MIPEP: variants seen among roughly 807,000 people sequenced by gnomAD.
The protein encoded by MIPEP is mitochondrial intermediate peptidase.
A neutral mutation model predicts 90.3 loss-of-function variants in MIPEP; 79 were observed. The ratio of observed to expected loss-of-function variants is 0.87; its 90% CI spans 0.73 to 1.05. The LOEUF is 1.05. MIPEP is among the 50% of genes least tolerant of loss of function. The probability of loss-of-function intolerance (pLI) is 0.00; values close to 1 mark genes in which losing one functional copy is unlikely to be tolerated. For synonymous variants in MIPEP, 334 were observed against 315.8 expected (o/e 1.06, Z -0.61); for missense variants, 940 against 905.6 (o/e 1.04, Z -0.49).
At chr13:23,805,877 A>G in intron 16 of MIPEP, 73 bp downstream of exon 16, 6 of 1,507,872 alleles carry the variant, frequency 4.0e-6, no homozygotes, top group South Asian at 1.2e-5. Flanking sequence ...CCAAAGGGGA[A>G]GATAATCACA....
rs1386550062 is a variant in MIPEP at position 23,836,335 on chromosome 13, TAGGGCA to T, written c.1552_1557del (p.Cys518_Pro519del). ...ATAGAAGGAACCTCAGCAAAATCAG[TAGGGCA>T]CCTGGTCCCTAAAACAAGAAAAAAA... On this transcript the variant is annotated inframe_deletion, in exon 14 of 19. Coordinates refer to ENST00000382172, the MANE Select transcript of MIPEP (RefSeq NM_005932.4). 6.3e-7 allele frequency: 1 copy of T among 1,584,360 alleles called. No homozygotes were observed. The highest frequency in any genetic ancestry group is 1.8e-5 in the Admixed American group (1 of 54,700).
intron 18 of MIPEP, among the ~76,000 whole-genome samples, chr13:23,736,956 G>A (rs1014186371): frequency 7.2e-5 from 11 of 152,164 alleles, no homozygotes; most frequent in East Asian, 5.8e-4. Context: ...CTCTTAAAGC[G>A]CTATGATATA....
At chr13:23,885,121 T>TA (rs1478601978) in intron 2 of MIPEP, among the ~76,000 whole-genome samples, 5 of 152,296 alleles carry the variant, frequency 3.3e-5, no homozygotes, top group Admixed American at 6.5e-5. Context: ...TATTCAGCCA[T>TA]AAAAAAGAAT....
At chr13:23,858,717 A>G in intron 10 of MIPEP, 143 bp downstream of exon 10, 1 of 678,084 alleles carries the variant, frequency 1.5e-6, no homozygotes, top group Non-Finnish European at 2.7e-6. Context: ...AGAATACATG[A>G]GTGGAGCAGA....
intron 16 of MIPEP, among the ~76,000 whole-genome samples, chr13:23,764,414 C>T (rs759305748): frequency 2.0e-5 from 3 of 152,210 alleles, no homozygotes; most frequent in Non-Finnish European, 4.4e-5. Context: ...TTTTCCAGGG[C>T]CGGAAATGGA....
chr13:23,794,543 A>G (rs940990616), intron 16 of MIPEP, among the ~76,000 whole-genome samples: 1 of 152,214 alleles, frequency 6.6e-6, no homozygotes, highest in Non-Finnish European at 1.5e-5. Flanking sequence ...GAAACAGCCT[A>G]AATCTAAAAG....
intron 18 of MIPEP, among the ~76,000 whole-genome samples, chr13:23,744,269 G>T (rs1952361650): frequency 6.6e-6 from 1 of 152,128 alleles, no homozygotes; most frequent in Admixed American, 6.5e-5. Flanking sequence ...CCACTTTTCA[G>T]ATTTGTCCCC....
intron 16 of MIPEP, among the ~76,000 whole-genome samples, chr13:23,802,445 G>A (rs985555087): frequency 5.3e-5 from 8 of 152,030 alleles, no homozygotes; most frequent in African/African-American, 1.7e-4. Flanking sequence ...GCAGGTGCCT[G>A]TAATCCCAGC....
At chr13:23,766,447 G>A (rs1251462556) in intron 16 of MIPEP, among the ~76,000 whole-genome samples, 1 of 152,230 alleles carries the variant, frequency 6.6e-6, no homozygotes, top group Non-Finnish European at 1.5e-5. Flanking sequence ...ACCATTTTGA[G>A]TTCTCACATT....
intron 18 of MIPEP, among the ~76,000 whole-genome samples, chr13:23,749,884 C>T (rs545062969): frequency 6.6e-6 from 1 of 152,204 alleles, no homozygotes; most frequent in Non-Finnish European, 1.5e-5. Flanking sequence ...ATGCCCTGCC[C>T]GACCTGACGC....
intron 16 of MIPEP, among the ~76,000 whole-genome samples, chr13:23,775,617 CA>C (rs142536464): frequency 0.019 from 2,820 of 151,922 alleles, 92 homozygotes; most frequent in African/African-American, 0.065. Context: ...TTTTACTTAC[CA>C]AAAAAAGTTA....
intron 18 of MIPEP, among the ~76,000 whole-genome samples, chr13:23,749,573 C>G (rs1047625246): frequency 6.6e-6 from 1 of 152,210 alleles, no homozygotes; most frequent in African/African-American, 2.4e-5. Flanking sequence ...CCATTCTGTA[C>G]AGAGTCCTTC....
chr13:23,878,552 C>A (rs1871157746), intron 4 of MIPEP, among the ~76,000 whole-genome samples: 1 of 152,002 alleles, frequency 6.6e-6, no homozygotes, highest in Admixed American at 6.6e-5. Flanking sequence ...TAAACAGGAA[C>A]AAACAAATGA....
At chr13:23,730,556 ACT>A (rs1952194017) in intron 18 of MIPEP, 111 bp from the exon 19 acceptor site, 2 of 711,662 alleles carry the variant, frequency 2.8e-6, no homozygotes, top group East Asian at 5.4e-5. Context: ...CTGAATTAAG[ACT>A]CTGGCTGTAT....
At chr13:23,881,840 C>T (rs1871283947) in intron 2 of MIPEP, 53 bp from the exon 3 acceptor site, 1 of 1,408,928 alleles carries the variant, frequency 7.1e-7, no homozygotes, top group Admixed American at 1.7e-5. Flanking sequence ...AAGCTTTCTT[C>T]CAGGATCTGA....
chr13:23,782,356 CCGGG>C (rs1393524638), intron 16 of MIPEP, among the ~76,000 whole-genome samples: 7 of 152,174 alleles, frequency 4.6e-5, no homozygotes, highest in Admixed American at 4.6e-4. Context: ...TGAACGACCA[CCGGG>C]TACATGACAA....
chr13:23,875,728 T>G (rs1048289157), intron 4 of MIPEP, among the ~76,000 whole-genome samples: 1 of 152,162 alleles, frequency 6.6e-6, no homozygotes, highest in African/African-American at 2.4e-5. Flanking sequence ...ATAGGTCTAT[T>G]ATGTAACAAA....
At chr13:23,782,928 G>A (rs1223360057) in intron 16 of MIPEP, among the ~76,000 whole-genome samples, 1 of 152,132 alleles carries the variant, frequency 6.6e-6, no homozygotes, top group Non-Finnish European at 1.5e-5. Context: ...TCCCTGAATA[G>A]ACCAATAACA....
rs141904057 is a variant in MIPEP, at chr13:23,871,893, T to C, written c.604-1698A>G. ...TTGAAATCACATTACAGTTCCAAAATTGTCTTCAAAACTTTTACTTTGAAA... is the reference window on the plus strand; with the variant it reads ...TTGAAATCACATTACAGTTCCAAAACTGTCTTCAAAACTTTTACTTTGAAA... On this transcript the variant is annotated intron_variant, in intron 5 of 18. Coordinates refer to ENST00000382172, the MANE Select transcript of MIPEP (RefSeq NM_005932.4). Among the ~76,000 whole-genome samples the C allele has an allele frequency of 4.6e-5, 7 of 152,298 alleles. No homozygotes were observed. In the East Asian group the frequency reaches 9.6e-4, roughly 21 times the overall value.
Sources: allele counts gnomAD v4.1 joint callset (sites outside exome capture counted in the v4.1 genomes callset), GRCh38; gene constraint gnomAD v4.1.1; transcripts MANE v1.5; gene names NCBI Gene and HGNC (gene_info 2026-07-23, HGNC 2026-07-21).